TTC3: variants seen among roughly 807,000 people sequenced by gnomAD.
The protein encoded by TTC3 is E3 ubiquitin-protein ligase TTC3.
Under a neutral mutation model 249.6 loss-of-function variants are expected in TTC3, and 180 were observed. That is an observed-to-expected ratio of 0.72 (90% CI 0.64 to 0.82). TTC3 has a LOEUF of 0.82. Among genes scored for constraint, TTC3 ranks in the 40% least tolerant of loss-of-function variants. The pLI is 0.00. For synonymous variants in TTC3, 717 were observed against 805.0 expected (o/e 0.89, Z 1.85); for missense variants, 2,061 against 2,398.4 (o/e 0.86, Z 2.94).
intron 41 of TTC3, 77 bp from the exon 42 acceptor site, chr21:37,195,598 C>T: frequency 6.6e-7 from 1 of 1,515,432 alleles, no homozygotes; most frequent in Non-Finnish European, 8.8e-7. Context: ...TGTATTTATT[C>T]ATCGGCCTTT....
intron 5 of TTC3, 102 bp downstream of exon 5, chr21:37,088,988 A>G: frequency 9.5e-7 from 1 of 1,057,454 alleles, no homozygotes; most frequent in Non-Finnish European, 1.4e-6. Flanking sequence ...ATTAACAGGT[A>G]ATGGTTTTAG....
chr21:37,079,063 G>A (rs1018745666), intron 1 of TTC3, among the ~76,000 whole-genome samples: 11 of 151,974 alleles, frequency 7.2e-5, no homozygotes, highest in South Asian at 2.1e-4. Context: ...AATGAATTCC[G>A]TTTTATAGAT....
intron 11 of TTC3, among the ~76,000 whole-genome samples, chr21:37,117,574 AT>A (rs1487057414): frequency 6.6e-6 from 1 of 152,194 alleles, no homozygotes; most frequent in Non-Finnish European, 1.5e-5. Flanking sequence ...TTAATATATT[AT>A]CAATTAAGAA....
chr21:37,195,571 C>G, intron 41 of TTC3, 104 bp from the exon 42 acceptor site: 1 of 1,459,772 alleles, frequency 6.9e-7, no homozygotes, highest in Non-Finnish European at 9.2e-7. Context: ...GTGCACGGAG[C>G]CTCTGCGCTG....
chr21:37,197,628 G>C, exon 43 of TTC3: 1 of 1,611,796 alleles, frequency 6.2e-7, no homozygotes. Flanking sequence ...CTCACTCTCA[G>C]GATTGAGTAT....
chr21:37,170,585 G>A (rs1272666658), intron 34 of TTC3, among the ~76,000 whole-genome samples: 1 of 152,130 alleles, frequency 6.6e-6, no homozygotes, highest in East Asian at 1.9e-4. Context: ...TAGCGGACTA[G>A]TTAAATTATG....
At chr21:37,185,287 G>T (rs2083137625) in intron 36 of TTC3, among the ~76,000 whole-genome samples, 1 of 152,256 alleles carries the variant, frequency 6.6e-6, no homozygotes. Context: ...CCGCGTGTGT[G>T]CATGAATGCT....
chr21:37,183,861 A>G (rs2148159093), intron 36 of TTC3, among the ~76,000 whole-genome samples: 2 of 152,298 alleles, frequency 1.3e-5, no homozygotes, highest in Middle Eastern at 3.4e-3. Flanking sequence ...GCTACCTTTT[A>G]TTCCTTAAAA....
At chr21:37,077,831 G>T (rs1232610217) in intron 1 of TTC3, among the ~76,000 whole-genome samples, 5 of 152,056 alleles carry the variant, frequency 3.3e-5, no homozygotes, top group Non-Finnish European at 7.4e-5. Context: ...TCTTTTTCTG[G>T]TTTGTGGCCT....
chr21:37,124,615 T>A lies in TTC3; in HGVS notation c.1110-4T>A, dbSNP rs367744933. ...TATAATAATTCCTTTTTTCCCCCAC[T>A]TAGGGCCTACACACCTAGGAGTTTA... On this transcript the variant is annotated splice_polypyrimidine_tract_variant and splice_region_variant and intron_variant, in intron 13 of 45. Transcript: ENST00000355666. 33 of 1,609,990 alleles carry A rather than the reference T, an allele frequency of 2.0e-5. No homozygotes were observed. The African/African-American group carries it at 3.7e-4, about 18-fold the overall frequency.
At chr21:37,119,702 T>C (rs1186434156) in intron 11 of TTC3, among the ~76,000 whole-genome samples, 1 of 152,212 alleles carries the variant, frequency 6.6e-6, no homozygotes, top group Non-Finnish European at 1.5e-5. Flanking sequence ...TATATGTTTT[T>C]CATACTCTCT....
intron 20 of TTC3, among the ~76,000 whole-genome samples, chr21:37,141,520 A>G (rs920511053): frequency 1.3e-5 from 2 of 152,042 alleles, no homozygotes; most frequent in African/African-American, 4.8e-5. Context: ...CTGGAATCCC[A>G]GCACTTTGGG....
chr21:37,171,464 T>C (rs576900216), intron 34 of TTC3, among the ~76,000 whole-genome samples: 2 of 152,336 alleles, frequency 1.3e-5, no homozygotes, highest in South Asian at 4.1e-4. Flanking sequence ...AGAAGTATCG[T>C]GAAGTTTAAA....
chr21:37,095,525 A>T, intron 9 of TTC3, 81 bp downstream of exon 9: 1 of 963,832 alleles, frequency 1.0e-6, no homozygotes, highest in Non-Finnish European at 1.5e-6. Flanking sequence ...TAAAAACAAG[A>T]CGGAGAATTG....
intron 13 of TTC3, among the ~76,000 whole-genome samples, chr21:37,123,811 T>G (rs905397852): frequency 6.6e-6 from 1 of 151,752 alleles, no homozygotes; most frequent in South Asian, 2.1e-4. Flanking sequence ...TGCGGTGTTA[T>G]GATGTCGGCT....
chr21:37,125,918 T>C (rs1357799845), intron 14 of TTC3, among the ~76,000 whole-genome samples, 162 bp from the exon 15 acceptor site: 1 of 152,262 alleles, frequency 6.6e-6, no homozygotes, highest in Non-Finnish European at 1.5e-5. Context: ...AGTTATCATT[T>C]TGTTTGCTTG....
exon 42 of TTC3, chr21:37,195,893 G>A (rs1300779964): frequency 6.2e-7 from 1 of 1,614,264 alleles, no homozygotes; most frequent in East Asian, 2.2e-5. Flanking sequence ...GGGCTGGCCA[G>A]GCAGCTCTGT....
intron 7 of TTC3, 46 bp from the exon 8 acceptor site, chr21:37,093,959 T>A (rs1393256411): frequency 7.6e-7 from 1 of 1,310,008 alleles, no homozygotes; most frequent in African/African-American, 1.5e-5. Context: ...TTTGTTTTTT[T>A]TTAAACAAAT....
exon 46 of TTC3, chr21:37,202,618 A>C (rs2046203956): frequency 6.6e-6 from 1 of 152,254 alleles, no homozygotes; most frequent in Non-Finnish European, 1.5e-5. Flanking sequence ...TAAGAACAAA[A>C]CTGTAACTGC....
Sources: allele counts gnomAD v4.1 joint callset (sites outside exome capture counted in the v4.1 genomes callset), GRCh38; gene constraint gnomAD v4.1.1; transcripts MANE v1.5; gene names NCBI Gene and HGNC (gene_info 2026-07-23, HGNC 2026-07-21).